The following PCBP3 variants were observed in gnomAD, a reference collection of about 807,000 sequenced individuals.
The protein encoded by PCBP3 is poly(rC) binding protein 3.
A neutral mutation model predicts 52.7 loss-of-function variants in PCBP3; 25 were observed. The ratio of observed to expected loss-of-function variants is 0.47; its 90% confidence interval spans 0.35 to 0.66. The LOEUF (loss-of-function observed/expected upper bound fraction) is 0.66. Among genes scored for constraint, PCBP3 ranks in the 30% least tolerant of loss-of-function variants. The pLI, the probability that PCBP3 is intolerant of heterozygous loss-of-function variation, is 0.01. For synonymous variants in PCBP3, 162 were observed against 183.0 expected, an observed-to-expected ratio of 0.89 and a Z score of 0.93; for missense variants, 391 against 490.3, an observed-to-expected ratio of 0.80 and a Z score of 1.91.
intron 4 of PCBP3, among the ~76,000 whole-genome samples, chr21:45,812,298 G>T (rs1288501763): frequency 1.3e-5 from 2 of 152,220 alleles, no homozygotes; most frequent in South Asian, 2.1e-4. Flanking sequence ...TGTGCCCAAA[G>T]TGTGGGTTTT....
chr21:45,726,001 G>A (rs912583183), intron 2 of PCBP3, among the ~76,000 whole-genome samples: 2 of 152,132 alleles, frequency 1.3e-5, no homozygotes, highest in Non-Finnish European at 1.5e-5. Context: ...GCAGAGGCTC[G>A]CCCTGGCTGT....
chr21:45,899,300 G>A (rs2095956223), intron 6 of PCBP3, among the ~76,000 whole-genome samples: 2 of 152,138 alleles, frequency 1.3e-5, no homozygotes, highest in African/African-American at 4.8e-5. Context: ...TGCCCCCTGA[G>A]TTATTTATCA....
intron 4 of PCBP3, among the ~76,000 whole-genome samples, chr21:45,820,813 AG>A (rs929435117): frequency 1.4e-4 from 22 of 152,022 alleles, no homozygotes; most frequent in African/African-American, 5.3e-4. Context: ...TCCTGGTGGG[AG>A]GCGCTTTTTC....
At position 45,724,061 on chromosome 21, in the gene PCBP3, G is replaced by T. The variant is rs1241787686; in HGVS notation, c.-199-11331G>T. On this transcript the variant is annotated intron_variant, in intron 2 of 17. Transcript: ENST00000681687. This position sits in a 1 kb window ranked among gnomAD's most constrained non-coding sequence, Gnocchi z 5.3. ...ACTCTCAATTCACTCACCTGGAGGG[G>T]GTAAGTTAATGAGACACTCTCTCCC... Among the ~76,000 whole-genome samples the T allele has an allele frequency of 2.6e-5, 4 of 152,126 alleles. No individual in the cohort carries two copies. Among genetic ancestry groups the T allele is most frequent in the Non-Finnish European group, 4.4e-5 (3 of 68,036 alleles).
chr21:45,935,552 T>C (rs753945237), intron 16 of PCBP3: 2 of 630,124 alleles, frequency 3.2e-6, no homozygotes, highest in East Asian at 6.5e-5. Flanking sequence ...ACTTCAGATA[T>C]TAATCAGTAG....
At chr21:45,921,403 A>G (rs1378400663) in intron 13 of PCBP3, among the ~76,000 whole-genome samples, 1 of 152,232 alleles carries the variant, frequency 6.6e-6, no homozygotes, top group African/African-American at 2.4e-5. Flanking sequence ...AGCATAAGAA[A>G]ATACATTCCT....
At chr21:45,698,533 C>T (rs890643713) in intron 2 of PCBP3, among the ~76,000 whole-genome samples, 1 of 152,232 alleles carries the variant, frequency 6.6e-6, no homozygotes, top group Non-Finnish European at 1.5e-5. Flanking sequence ...AAAGCAAGGA[C>T]CAGCATGTGA....
rs1970719347 is a variant in PCBP3, at chr21:45,821,455, C to G, written c.-125-28506C>G. 4.0e-5 allele frequency among the ~76,000 whole-genome samples: 6 copies of G among 150,688 alleles called. No individual in the cohort carries two copies. The South Asian group carries it at 1.3e-3, about 32-fold the overall frequency. On this transcript the variant is annotated intron_variant, in intron 4 of 17. Coordinates refer to ENST00000681687, the MANE Select transcript of PCBP3 (RefSeq NM_001384156.1). This position sits in a 1 kb window ranked among gnomAD's most constrained non-coding sequence, Gnocchi z 4.4. Reference sequence around the variant, plus strand: ...CGTGCTGTGGGCCCCGCACCTTCCCCCAACTCTTTTCTAGAACACTCTTCC... The same window carrying G: ...CGTGCTGTGGGCCCCGCACCTTCCCGCAACTCTTTTCTAGAACACTCTTCC...
chr21:45,797,679 T>C, intron 4 of PCBP3, among the ~76,000 whole-genome samples: 1 of 149,996 alleles, frequency 6.7e-6, no homozygotes, highest in African/African-American at 2.5e-5. Context: ...GGAGAGTGAA[T>C]GCATAGATGG....
Position 45,737,919 on chromosome 21 carries a change from G to A in PCBP3, c.-162+2490G>A, listed in dbSNP as rs890026982. The stretch of plus-strand genomic sequence containing the variant: ...GTTTCCCAGGGGAGCCAGTAGTTTT[G>A]GAAGCACTTGGTTTTTCCATTCCCA... On this transcript the variant is annotated intron_variant, in intron 3 of 17. Transcript: ENST00000681687. This position sits in a 1 kb window ranked among gnomAD's most constrained non-coding sequence, Gnocchi z 4.9. Among the ~76,000 whole-genome samples the A allele has an allele frequency of 1.3e-5, 2 of 152,184 alleles. No homozygotes were observed. Among genetic ancestry groups the A allele is most frequent in the Non-Finnish European group, 2.9e-5 (2 of 68,030 alleles).
intron 1 of PCBP3, among the ~76,000 whole-genome samples, chr21:45,668,409 A>T (rs1483227420): frequency 6.6e-6 from 1 of 152,138 alleles, no homozygotes. Flanking sequence ...GTCAGGTCAA[A>T]TAAATGTAAC....
rs187968756 is a variant in PCBP3 at position 45,714,338 on chromosome 21, T to A, written c.-199-21054T>A. Among the ~76,000 whole-genome samples, 3 of 152,304 alleles carry A rather than the reference T, an allele frequency of 2.0e-5. No individual in the cohort carries two copies. The East Asian group carries it at 5.8e-4, about 29-fold the overall frequency. On this transcript the variant is annotated intron_variant, in intron 2 of 17. Transcript: ENST00000681687. The stretch of plus-strand genomic sequence containing the variant: ...GAACTCTTGACCATTCCAGGACAGC[T>A]CCTTTTTCTGGTTGCTTAGGCCAAA...
chr21:45,793,779 C>T (rs577246259), intron 4 of PCBP3, among the ~76,000 whole-genome samples: 1 of 152,216 alleles, frequency 6.6e-6, no homozygotes, highest in East Asian at 1.9e-4. Flanking sequence ...ACAGTATCTT[C>T]AAAATACTCG....
chr21:45,668,806 T>A (rs1424595372), intron 1 of PCBP3, 68 bp from the exon 2 acceptor site: 5 of 152,212 alleles, frequency 3.3e-5, no homozygotes, highest in African/African-American at 9.6e-5. Context: ...GATATCACAC[T>A]CTCATGTTAT....
intron 6 of PCBP3, 35 bp downstream of exon 6, chr21:45,896,397 C>T (rs367554379): frequency 8.4e-6 from 13 of 1,545,150 alleles, no homozygotes; most frequent in Admixed American, 3.9e-5. Context: ...GTAGGAAAGG[C>T]GGCCGCGGCA....
Position 45,853,530 on chromosome 21 carries a change from T to G in PCBP3, c.10+3435T>G, listed in dbSNP as rs2094136069. On this transcript the variant is annotated intron_variant, in intron 5 of 17. Coordinates refer to ENST00000681687, the MANE Select transcript of PCBP3 (RefSeq NM_001384156.1). The surrounding 1 kb of genome is among the most constrained non-coding windows in gnomAD (Gnocchi z 4.6). ...GCTCACGGGCCCCAGCGACAGAATT[T>G]TCTGGGGTTTCAATACCCTCTGCAG... Among the ~76,000 whole-genome samples, 1 of 152,146 alleles carries G rather than the reference T, an allele frequency of 6.6e-6. No individual in the cohort carries two copies. Among genetic ancestry groups the G allele is most frequent in the Admixed American group, 6.5e-5 (1 of 15,282 alleles).
chr21:45,654,034 A>G (rs1482606250), intron 1 of PCBP3, among the ~76,000 whole-genome samples: 2 of 152,146 alleles, frequency 1.3e-5, no homozygotes, highest in South Asian at 2.1e-4. Context: ...CCAGATTCAT[A>G]TGTGCTTATT....
At chr21:45,901,614 C>G (rs1042667596) in intron 9 of PCBP3, 11 of 164,260 alleles carry the variant, frequency 6.7e-5, no homozygotes, top group Non-Finnish European at 1.3e-4. Flanking sequence ...AAGGTAGAGG[C>G]CATCCGTGAT....
At chr21:45,648,827 G>A (rs974876685) in intron 1 of PCBP3, among the ~76,000 whole-genome samples, 4 of 152,096 alleles carry the variant, frequency 2.6e-5, no homozygotes, top group African/African-American at 9.7e-5. Context: ...TCCACTTATT[G>A]TCTGGATTAT....
Sources: allele counts gnomAD v4.1 joint callset (sites outside exome capture counted in the v4.1 genomes callset), GRCh38; gene constraint gnomAD v4.1.1; non-coding constraint Gnocchi (gnomAD v3.1); transcripts MANE v1.5; gene names NCBI Gene and HGNC (gene_info 2026-07-23, HGNC 2026-07-21).